The following MSRB3 variants were observed in gnomAD, a reference collection of about 807,000 sequenced individuals.
MSRB3 encodes the protein methionine-R-sulfoxide reductase B3.
A neutral mutation model predicts 21.0 loss-of-function variants in MSRB3; 13 were observed. The ratio of observed to expected loss-of-function variants is 0.62; its 90% CI spans 0.40 to 0.98. The LOEUF (loss-of-function observed/expected upper bound fraction) is 0.98. Among genes scored for constraint, MSRB3 ranks in the 50% least tolerant of loss-of-function variants. The pLI is 0.00. For missense variants in MSRB3, 199 were observed against 230.3 expected (o/e 0.86, Z 0.88); for synonymous variants, 87 against 88.6 (o/e 0.98, Z 0.10).
At chr12:65,446,731 GA>G (rs11316347) in intron 5 of MSRB3, among the ~76,000 whole-genome samples, 81,763 of 150,176 alleles carry the variant, frequency 0.54, 22,439 homozygotes, top group Middle Eastern at 0.62. Context: ...GTTTTCCCAA[GA>G]AAAAAAAAAT....
intron 5 of MSRB3, among the ~76,000 whole-genome samples, chr12:65,406,812 G>A (rs1332736015): frequency 6.6e-6 from 1 of 152,100 alleles, no homozygotes; most frequent in Non-Finnish European, 1.5e-5. Context: ...TTCAAGTGTA[G>A]GATTAATGCC....
intron 4 of MSRB3, among the ~76,000 whole-genome samples, chr12:65,342,578 A>T (rs1237780242): frequency 1.3e-5 from 2 of 151,988 alleles, no homozygotes; most frequent in Non-Finnish European, 2.9e-5. Context: ...TAAATTATTA[A>T]AAGTCTTAGA....
chr12:65,346,023 T>G (rs995960319), intron 4 of MSRB3, among the ~76,000 whole-genome samples: 1 of 152,188 alleles, frequency 6.6e-6, no homozygotes, highest in African/African-American at 2.4e-5. Context: ...TTTGCTATTG[T>G]GAATAGTGCC....
At chr12:65,349,915 T>G (rs887260241) in intron 4 of MSRB3, among the ~76,000 whole-genome samples, 4 of 152,028 alleles carry the variant, frequency 2.6e-5, no homozygotes, top group Non-Finnish European at 4.4e-5. Context: ...TTAGTTTAAT[T>G]AGATCCCATT....
chr12:65,339,182 T>C (rs1390544391), intron 4 of MSRB3, among the ~76,000 whole-genome samples: 1 of 152,234 alleles, frequency 6.6e-6, no homozygotes, highest in South Asian at 2.1e-4. Flanking sequence ...CTCAGCTCTA[T>C]TTACATTTTG....
chr12:65,462,647 C>T (rs561050352), intron 6 of MSRB3, among the ~76,000 whole-genome samples: 8 of 152,208 alleles, frequency 5.3e-5, no homozygotes, highest in South Asian at 2.1e-4. Flanking sequence ...GCCATTGCTT[C>T]GCTGGGTTCC....
intron 2 of MSRB3, among the ~76,000 whole-genome samples, chr12:65,311,207 A>C (rs924359538): frequency 6.6e-6 from 1 of 152,122 alleles, no homozygotes; most frequent in African/African-American, 2.4e-5. Flanking sequence ...GCTGAACCAG[A>C]ATTCAAGTCC....
At chr12:65,330,961 T>C (rs189457987) in intron 4 of MSRB3, among the ~76,000 whole-genome samples, 28 of 152,282 alleles carry the variant, frequency 1.8e-4, no homozygotes, top group Non-Finnish European at 3.4e-4. Flanking sequence ...TTGGAAGTCT[T>C]TTTTTCGGAC....
At chr12:65,352,936 A>G (rs1384317943) in intron 4 of MSRB3, among the ~76,000 whole-genome samples, 1 of 151,916 alleles carries the variant, frequency 6.6e-6, no homozygotes, top group African/African-American at 2.4e-5. Flanking sequence ...GCTACCAATG[A>G]CTTTCTTCAC....
At chr12:65,319,918 A>G (rs185534906) in intron 2 of MSRB3, among the ~76,000 whole-genome samples, 1 of 152,308 alleles carries the variant, frequency 6.6e-6, no homozygotes, top group East Asian at 1.9e-4. Context: ...CTTGCTTGAC[A>G]ACGTCTTCTG....
At chr12:65,407,151 C>G (rs1026725244) in intron 5 of MSRB3, among the ~76,000 whole-genome samples, 2 of 152,158 alleles carry the variant, frequency 1.3e-5, no homozygotes, top group Admixed American at 1.3e-4. Flanking sequence ...AGAACTAAAT[C>G]TATGCATTTA....
chr12:65,442,159 A>G (rs969811013), intron 5 of MSRB3, among the ~76,000 whole-genome samples: 1 of 152,044 alleles, frequency 6.6e-6, no homozygotes, highest in African/African-American at 2.4e-5. Flanking sequence ...AAATATATAT[A>G]ATAGAATAAA....
intron 4 of MSRB3, among the ~76,000 whole-genome samples, chr12:65,345,594 A>C (rs1311340695): frequency 6.6e-6 from 1 of 152,048 alleles, no homozygotes; most frequent in African/African-American, 2.4e-5. Flanking sequence ...TTTTATTATT[A>C]TTATGCTTTA....
At chr12:65,438,392 T>C (rs1428186570) in intron 5 of MSRB3, among the ~76,000 whole-genome samples, 2 of 151,768 alleles carry the variant, frequency 1.3e-5, no homozygotes, top group African/African-American at 4.8e-5. Flanking sequence ...AACATGCAAA[T>C]AATCAAAACT....
intron 5 of MSRB3, among the ~76,000 whole-genome samples, chr12:65,409,538 T>A (rs1396379667): frequency 6.6e-6 from 1 of 152,128 alleles, no homozygotes; most frequent in Non-Finnish European, 1.5e-5. Context: ...GTATATGTGG[T>A]TCCAGTTGTT....
At position 65,439,459 on chromosome 12, in the gene MSRB3, AC is replaced by A. The variant is rs558218554; in HGVS notation, c.293-14268del. ...AGATGAAGTATCTTTCAAATAAAAA[AC>A]ATCTTTCAAATAAGAAATATAATTT... On this transcript the variant is annotated intron_variant, in intron 5 of 6. Transcript: ENST00000308259. Among the ~76,000 whole-genome samples the A allele has an allele frequency of 4.7e-3, 707 of 151,768 alleles. 6 individuals are homozygous for A. Among genetic ancestry groups the A allele is most frequent in the African/African-American group, 0.016 (669 of 41,500 alleles).
At chr12:65,291,846 G>T (rs1211345083) in intron 1 of MSRB3, among the ~76,000 whole-genome samples, 2 of 152,202 alleles carry the variant, frequency 1.3e-5, no homozygotes, top group East Asian at 3.8e-4. Context: ...ATAGTGTTCT[G>T]TGTGATGGAA....
At chr12:65,420,185 G>A (rs1305838281) in intron 5 of MSRB3, among the ~76,000 whole-genome samples, 6 of 152,066 alleles carry the variant, frequency 3.9e-5, no homozygotes, top group Non-Finnish European at 8.8e-5. Context: ...GTGTGTTCTT[G>A]GCATCTTTTT....
Position 65,287,020 on chromosome 12 carries a change from CAAAAAAAA to C in MSRB3, c.-52+8173_-52+8180del, listed in dbSNP as rs35236078. ...TGGGTGACAGAGCGAGACCCTTTCT[CAAAAAAAA>C]AAAAAAAAAAAAAAAAAGCAAAACC... On this transcript the variant is annotated intron_variant, in intron 1 of 6. Transcript: ENST00000308259. Among the ~76,000 whole-genome samples the C allele has an allele frequency of 6.5e-3, 373 of 57,208 alleles. 2 individuals carry two copies. The highest frequency in any genetic ancestry group is 0.054 in the Middle Eastern group (3 of 56). The allele number at this position is 57,208 out of a possible 152,430, so 37.5% of individuals were successfully genotyped here.
Sources: gnomAD v4.1 joint callset for allele counts (sites outside exome capture counted in the v4.1 genomes callset) on GRCh38, gnomAD v4.1.1 for gene constraint, MANE v1.5 for transcripts, NCBI Gene and HGNC (gene_info 2026-07-23, HGNC 2026-07-21) for gene names.